Variants in SPATA16 observed in about 807,000 individuals in gnomAD.
SPATA16 encodes spermatogenesis-associated protein 16.
In SPATA16, 36 loss-of-function variants were observed where a neutral mutation model predicts 63.3. That is an observed-to-expected ratio of 0.57 (90% confidence interval 0.44 to 0.75). The LOEUF (loss-of-function observed/expected upper bound fraction) is 0.75. Ranked by LOEUF, SPATA16 falls within the 30% of genes least tolerant of loss-of-function variation. The pLI is 0.00. For missense variants in SPATA16, 646 were observed against 679.3 expected, an observed-to-expected ratio of 0.95 and a Z score of 0.54; for synonymous variants, 203 against 216.7, an observed-to-expected ratio of 0.94 and a Z score of 0.56.
At chr3:173,043,903 G>A (rs968276578) in intron 3 of SPATA16, among the ~76,000 whole-genome samples, 8 of 151,532 alleles carry the variant, frequency 5.3e-5, no homozygotes, top group East Asian at 3.9e-4. Flanking sequence ...TTTTGCTTTC[G>A]GCACTTTAAA....
intron 6 of SPATA16, among the ~76,000 whole-genome samples, chr3:172,935,191 A>C (rs1732954073): frequency 6.6e-6 from 1 of 152,234 alleles, no homozygotes; most frequent in South Asian, 2.1e-4. Context: ...AAAGCTTGAC[A>C]TGGTGGTACG....
chr3:172,975,263 G>A (rs1049034963), intron 5 of SPATA16, among the ~76,000 whole-genome samples: 3 of 152,204 alleles, frequency 2.0e-5, no homozygotes, highest in East Asian at 1.9e-4. Context: ...TTTTATTTAC[G>A]AAACTTCCAA....
intron 2 of SPATA16, among the ~76,000 whole-genome samples, chr3:173,071,634 A>T (rs1475961538): frequency 6.6e-6 from 1 of 152,228 alleles, no homozygotes; most frequent in Non-Finnish European, 1.5e-5. Flanking sequence ...TATTCTAATT[A>T]AAAAATGGGC....
At chr3:172,906,913 T>C (rs1195465510) in intron 10 of SPATA16, among the ~76,000 whole-genome samples, 2 of 152,110 alleles carry the variant, frequency 1.3e-5, no homozygotes, top group African/African-American at 4.8e-5. Flanking sequence ...GGCTAATTTT[T>C]TTTGTATCTT....
At chr3:173,017,714 T>C (rs1035403975) in intron 4 of SPATA16, among the ~76,000 whole-genome samples, 3 of 152,230 alleles carry the variant, frequency 2.0e-5, no homozygotes, top group Middle Eastern at 3.2e-3. Flanking sequence ...AGCTGAAATC[T>C]AGTTCTGAAA....
At chr3:173,127,462 C>T (rs1738253801) in intron 1 of SPATA16, among the ~76,000 whole-genome samples, 2 of 152,098 alleles carry the variant, frequency 1.3e-5, no homozygotes, top group African/African-American at 2.4e-5. Flanking sequence ...TTTCTTTTTT[C>T]TCCAAGATAA....
At chr3:173,107,608 T>TCTC (rs1737651239) in intron 2 of SPATA16, among the ~76,000 whole-genome samples, 2 of 152,236 alleles carry the variant, frequency 1.3e-5, no homozygotes, top group Non-Finnish European at 2.9e-5. Context: ...TGAAACTAAA[T>TCTC]TTTCCTTTAA....
chr3:173,049,177 T>A, intron 2 of SPATA16, 83 bp from the exon 3 acceptor site: 1 of 1,449,796 alleles, frequency 6.9e-7, no homozygotes, highest in Non-Finnish European at 9.3e-7. Context: ...GTGTATGTTT[T>A]ATTTATATAT....
At chr3:173,002,472 C>T (rs1345957997) in intron 4 of SPATA16, among the ~76,000 whole-genome samples, 1 of 152,154 alleles carries the variant, frequency 6.6e-6, no homozygotes, top group African/African-American at 2.4e-5. Flanking sequence ...GAACTAATGC[C>T]AGTCTTGGTC....
intron 5 of SPATA16, among the ~76,000 whole-genome samples, chr3:172,966,940 A>G (rs774693588): frequency 2.0e-5 from 3 of 152,330 alleles, no homozygotes; most frequent in South Asian, 2.1e-4. Flanking sequence ...TATGGAAAAT[A>G]GAAAAGATAA....
rs1736551482 is a variant in SPATA16, at chr3:173,067,568, C to T, written c.613-18474G>A. On this transcript the variant is annotated intron_variant, in intron 2 of 10. Coordinates refer to ENST00000351008, the MANE Select transcript of SPATA16 (RefSeq NM_031955.6). ...CATGCAATTTACCCATGTAATAAAC[C>T]TGCACGCATACCCCCGAACCTAAAA... 2.6e-5 allele frequency among the ~76,000 whole-genome samples: 4 copies of T among 151,926 alleles called. No individual in the cohort carries two copies. The South Asian group carries it at 8.3e-4, about 32-fold the overall frequency.
chr3:173,054,240 T>C (rs1307711655), intron 2 of SPATA16, among the ~76,000 whole-genome samples: 1 of 152,096 alleles, frequency 6.6e-6, no homozygotes, highest in Non-Finnish European at 1.5e-5. Flanking sequence ...AAATACTTTA[T>C]ATATATGAAT....
At chr3:172,955,343 C>T (rs999058648) in intron 6 of SPATA16, among the ~76,000 whole-genome samples, 1 of 152,094 alleles carries the variant, frequency 6.6e-6, no homozygotes, top group Non-Finnish European at 1.5e-5. Context: ...TTCCATAATG[C>T]TAGATAGATA....
At chr3:172,945,699 C>G (rs759202547) in intron 6 of SPATA16, among the ~76,000 whole-genome samples, 16 of 152,204 alleles carry the variant, frequency 1.1e-4, no homozygotes, top group Non-Finnish European at 1.9e-4. Context: ...TAGATCAGCC[C>G]TAGCCAGGGA....
intron 8 of SPATA16, among the ~76,000 whole-genome samples, chr3:172,917,738 T>G (rs1732526915): frequency 6.6e-6 from 1 of 152,208 alleles, no homozygotes; most frequent in African/African-American, 2.4e-5. Flanking sequence ...CTTCTAGAAA[T>G]TAGAGAAGGC....
chr3:172,996,531 G>C (rs943096466), intron 4 of SPATA16, among the ~76,000 whole-genome samples: 8 of 151,944 alleles, frequency 5.3e-5, no homozygotes, highest in Non-Finnish European at 1.2e-4. Context: ...AAAATTGAGT[G>C]GAAAGTACAG....
intron 4 of SPATA16, among the ~76,000 whole-genome samples, chr3:173,002,769 A>T (rs1055469073): frequency 2.6e-5 from 4 of 152,318 alleles, no homozygotes; most frequent in Non-Finnish European, 5.9e-5. Context: ...ATATTCATAT[A>T]TGGAAAATGG....
intron 2 of SPATA16, among the ~76,000 whole-genome samples, chr3:173,097,984 T>G (rs938910775): frequency 5.3e-5 from 8 of 152,124 alleles, no homozygotes; most frequent in Non-Finnish European, 2.9e-5. Flanking sequence ...GCAGGGCATA[T>G]TGTAAAGCCA....
At chr3:173,066,353 G>T (rs1736520777) in intron 2 of SPATA16, among the ~76,000 whole-genome samples, 1 of 152,194 alleles carries the variant, frequency 6.6e-6, no homozygotes, top group African/African-American at 2.4e-5. Flanking sequence ...GTGAGCCCCA[G>T]TATTGTTCTT....
Sources: allele counts gnomAD v4.1 joint callset (sites outside exome capture counted in the v4.1 genomes callset), GRCh38; gene constraint gnomAD v4.1.1; transcripts MANE v1.5; gene names NCBI Gene and HGNC (gene_info 2026-07-23, HGNC 2026-07-21).